The following ZC3H14 variants were observed in gnomAD, a reference collection of about 807,000 sequenced individuals.
ZC3H14 encodes the protein zinc finger CCCH domain-containing protein 14.
In ZC3H14, 31 loss-of-function variants were observed where a neutral mutation model predicts 92.4. The ratio of observed to expected loss-of-function variants is 0.34; its 90% CI spans 0.25 to 0.45. The LOEUF (loss-of-function observed/expected upper bound fraction) is 0.45, where lower values mean the gene tolerates loss of function less well. Among genes scored for constraint, ZC3H14 ranks in the 20% least tolerant of loss-of-function variants. The pLI, the probability that ZC3H14 is intolerant of heterozygous loss-of-function variation, is 1.00. For missense variants in ZC3H14, 781 were observed against 897.3 expected, an observed-to-expected ratio of 0.87 and a Z score of 1.66; for synonymous variants, 321 against 300.9, an observed-to-expected ratio of 1.07 and a Z score of -0.69.
At chr14:88,601,591 A>G (rs112443051) in intron 10 of ZC3H14, among the ~76,000 whole-genome samples, 30 of 152,316 alleles carry the variant, frequency 2.0e-4, no homozygotes, top group African/African-American at 6.7e-4. Flanking sequence ...TTAGGACTCA[A>G]ATTCTCCAGG....
intron 12 of ZC3H14, among the ~76,000 whole-genome samples, 183 bp downstream of exon 12, chr14:88,603,243 C>T (rs1434326264): frequency 6.6e-6 from 1 of 152,114 alleles, no homozygotes; most frequent in Non-Finnish European, 1.5e-5. Flanking sequence ...GTGTCTTTTT[C>T]ATAGGTGGGC....
chr14:88,574,103 T>G (rs1164104575), intron 6 of ZC3H14, among the ~76,000 whole-genome samples: 37 of 152,190 alleles, frequency 2.4e-4, no homozygotes, highest in Admixed American at 2.4e-3. Flanking sequence ...TCATGGTAAT[T>G]GCTAGTGAGC....
At chr14:88,600,832 C>T (rs2084536047) in intron 10 of ZC3H14, among the ~76,000 whole-genome samples, 1 of 152,102 alleles carries the variant, frequency 6.6e-6, no homozygotes, top group African/African-American at 2.4e-5. Flanking sequence ...GTCAGCCTTC[C>T]TTGGTATGTA....
chr14:88,573,032 G>T, intron 6 of ZC3H14, 25 bp downstream of exon 6: 1 of 1,612,406 alleles, frequency 6.2e-7, no homozygotes. Context: ...TTAAATTCTG[G>T]CTTAGGCTAA....
In ZC3H14 at chr14:88,602,808, A is replaced by AT. The variant is rs1442802578; in HGVS notation, c.1515-14dup. 6.8e-6 allele frequency: 11 copies of AT among 1,612,322 alleles called. No individual in the cohort carries two copies. Among genetic ancestry groups the AT allele is most frequent in the East Asian group, 4.5e-5 (2 of 44,856 alleles). On this transcript the variant is annotated intron_variant, in intron 11 of 16. Transcript: ENST00000251038. ...GTGTTTGTTTCCCTAATTCTATGGT[A>AT]TTTTTTATCTGTCTGGCAGAGATCT...
chr14:88,593,981 T>C (rs184512081), intron 9 of ZC3H14, among the ~76,000 whole-genome samples: 3 of 152,190 alleles, frequency 2.0e-5, no homozygotes, highest in African/African-American at 7.2e-5. Context: ...GGCTGAGTTC[T>C]TATTTCCCCA....
rs370993837 is a variant in ZC3H14 at position 88,616,908 on chromosome 14, T to G, written c.*5157T>G. 6.2e-7 allele frequency: 1 copy of G among 1,609,396 alleles called. No individual in the cohort carries two copies. The highest frequency in any genetic ancestry group is 8.5e-7 in the Non-Finnish European group (1 of 1,177,248). On this transcript the variant is annotated 3_prime_UTR_variant, in exon 17 of 17. Coordinates refer to ENST00000251038, the MANE Select transcript of ZC3H14 (RefSeq NM_024824.5). ...GAGGGAAGGAACAAAAGAAAACTCA[T>G]CATGGCAAGTGCGGGCAGGTTGACT...
rs903308190 is a variant in ZC3H14 at position 88,627,512 on chromosome 14, T to C, written c.*15761T>C. The C allele has an allele frequency of 1.3e-6, 1 of 793,198 alleles. No individual in the cohort carries two copies. The highest frequency in any genetic ancestry group is 3.2e-5 in the Admixed American group (1 of 30,930). The allele number at this position is 793,198 out of a possible 1,614,324, so 49.1% of individuals were successfully genotyped here. On this transcript the variant is annotated 3_prime_UTR_variant, in exon 17 of 17. Coordinates refer to ENST00000251038, the MANE Select transcript of ZC3H14 (RefSeq NM_024824.5). Reference sequence around the variant, plus strand: ...GTGAAATATACCTACAGTACCACTGTGTACAGTATATTGCATAGGCCTCCA... The same window carrying C: ...GTGAAATATACCTACAGTACCACTGCGTACAGTATATTGCATAGGCCTCCA...
chr14:88,570,487 T>G (rs896042449), intron 3 of ZC3H14, among the ~76,000 whole-genome samples: 3 of 152,212 alleles, frequency 2.0e-5, no homozygotes, highest in Admixed American at 6.5e-5. Context: ...TGTTTTAACC[T>G]CTCAGAATTA....
rs2087148305 is a variant in ZC3H14, at chr14:88,613,491, A to C, written c.*1740A>C. On this transcript the variant is annotated 3_prime_UTR_variant, in exon 17 of 17. Transcript: ENST00000251038. ...AGTTCAGCCATTTTACAAGGAAATA[A>C]TAAAATACTAAAATCTGATTGTTTT... 1 of 152,224 alleles carries C rather than the reference A, an allele frequency of 6.6e-6. No homozygotes were observed. The highest frequency in any genetic ancestry group is 2.1e-4 in the South Asian group (1 of 4,834). 9.4% of individuals were successfully genotyped at this position (152,224 alleles called of 1,614,324 possible).
chr14:88,563,622 C>T (rs201352046), intron 1 of ZC3H14, 29 bp from the exon 2 acceptor site: 13 of 1,613,616 alleles, frequency 8.1e-6, no homozygotes, highest in Non-Finnish European at 1.1e-5. Context: ...CCGCCTTTCT[C>T]ACATGCACGT....
chr14:88,594,454 G>T, intron 9 of ZC3H14: 2 of 1,274,682 alleles, frequency 1.6e-6, no homozygotes, highest in Non-Finnish European at 2.0e-6. Context: ...AGGGCCCTAC[G>T]TATTAGGGCT....
chr14:88,601,717 G>T (rs776283876), intron 10 of ZC3H14, among the ~76,000 whole-genome samples: 1 of 152,142 alleles, frequency 6.6e-6, no homozygotes, highest in Non-Finnish European at 1.5e-5. Flanking sequence ...CACTTGTGCC[G>T]TGCCCTACGC....
chr14:88,591,895 G>T (rs940793388), intron 9 of ZC3H14: 1 of 152,198 alleles, frequency 6.6e-6, no homozygotes. Flanking sequence ...ACTACCGAAG[G>T]TGCAGACCCT....
chr14:88,563,368 G>T, intron 1 of ZC3H14, 199 bp downstream of exon 1: 9 of 1,444,034 alleles, frequency 6.2e-6, no homozygotes, highest in Non-Finnish European at 7.2e-6. Flanking sequence ...TGCGGCTGAA[G>T]TAGCCGCCGG....
At chr14:88,591,840 T>G (rs1162003575) in intron 9 of ZC3H14, 1 of 152,234 alleles carries the variant, frequency 6.6e-6, no homozygotes, top group East Asian at 1.9e-4. Context: ...TTTGTTCCAC[T>G]TAATGTATCA....
chr14:88,568,112 G>T lies in ZC3H14; in HGVS notation c.153G>T (p.Leu51=), dbSNP rs955426931. Residue 51 remains leucine (L), a synonymous_variant, in exon 3 of 17, where the codon CTG becomes CTT. Coordinates refer to ENST00000251038, the MANE Select transcript of ZC3H14 (RefSeq NM_024824.5). The part of the protein sequence containing the change: ...KKSQDQMTED[L]SLFLGNNTIR... ...GTCAGGACCAAATGACAGAGGATCT[G>T]TCCCTGTTTCTAGGGAACAACACAA... 11 of 1,614,034 alleles carry T rather than the reference G, an allele frequency of 6.8e-6. No individual in the cohort carries two copies. The highest frequency in any genetic ancestry group is 2.7e-5 in the African/African-American group (2 of 74,932).
intron 8 of ZC3H14, among the ~76,000 whole-genome samples, chr14:88,576,410 G>GT (rs2081163562): frequency 6.6e-6 from 1 of 152,202 alleles, no homozygotes; most frequent in Non-Finnish European, 1.5e-5. Context: ...ATAAGGCAGA[G>GT]AATTGACTCA....
In ZC3H14 at chr14:88,627,263, A is replaced by G. The variant is rs2090055616; in HGVS notation, c.*15512A>G. 4 of 572,142 alleles carry G rather than the reference A, an allele frequency of 7.0e-6. No homozygotes were observed. Among genetic ancestry groups the G allele is most frequent in the Non-Finnish European group, 1.2e-5 (4 of 323,980 alleles). 35.4% of individuals were successfully genotyped at this position (572,142 alleles called of 1,614,324 possible). A position where few individuals can be genotyped will look rare whatever the true frequency, so the allele number is the denominator to read the frequency against. Reference sequence around the variant, plus strand: ...CCATTAACTTTTCTTTATATAACGTAAATGTTTTGTCTAAAGTGTGGTAGG... The same window carrying G: ...CCATTAACTTTTCTTTATATAACGTGAATGTTTTGTCTAAAGTGTGGTAGG... On this transcript the variant is annotated 3_prime_UTR_variant, in exon 17 of 17. Transcript: ENST00000251038.
Sources: allele counts gnomAD v4.1 joint callset (sites outside exome capture counted in the v4.1 genomes callset), GRCh38; gene constraint gnomAD v4.1.1; transcripts MANE v1.5; gene names NCBI Gene and HGNC (gene_info 2026-07-23, HGNC 2026-07-21).